The following PAK5 variants were observed in gnomAD, a reference collection of about 807,000 sequenced individuals.
PAK5 encodes serine/threonine-protein kinase PAK 5.
A neutral mutation model predicts 65.9 loss-of-function variants in PAK5; 16 were observed. The ratio of observed to expected loss-of-function variants is 0.24; its 90% CI spans 0.16 to 0.37. The LOEUF (loss-of-function observed/expected upper bound fraction) is 0.37, where lower values mean the gene tolerates loss of function less well. Ranked by LOEUF, PAK5 falls within the 10% of genes least tolerant of loss-of-function variation. The pLI, the probability that PAK5 is intolerant of heterozygous loss-of-function variation, is 1.00. For synonymous variants in PAK5, 371 were observed against 354.9 expected (o/e 1.05, Z -0.51); for missense variants, 785 against 903.9 (o/e 0.87, Z 1.69).
At position 9,696,713 on chromosome 20, in the gene PAK5, T is replaced by C. The variant is rs1470735572; in HGVS notation, c.-12+14573A>G. Among the ~76,000 whole-genome samples, 3 of 152,192 alleles carry C rather than the reference T, an allele frequency of 2.0e-5. No homozygotes were observed. In the East Asian group the frequency reaches 5.8e-4, roughly 29 times the overall value. ...AAATTGTATTATGGAGAAAAGCAAATAACCACTTTCATCTTATTAGCTCTG... is the reference window on the plus strand; with the variant it reads ...AAATTGTATTATGGAGAAAAGCAAACAACCACTTTCATCTTATTAGCTCTG... On this transcript the variant is annotated intron_variant, in intron 2 of 9. Coordinates refer to ENST00000353224, the MANE Select transcript of PAK5 (RefSeq NM_177990.4).
intron 1 of PAK5, among the ~76,000 whole-genome samples, chr20:9,822,590 C>A (rs6056905): frequency 6.6e-6 from 1 of 152,206 alleles, no homozygotes; most frequent in East Asian, 1.9e-4. Flanking sequence ...ATTGCCCAAT[C>A]AATAGCTCAC....
At chr20:9,685,824 T>C (rs971859902) in intron 2 of PAK5, among the ~76,000 whole-genome samples, 6 of 152,204 alleles carry the variant, frequency 3.9e-5, no homozygotes, top group Non-Finnish European at 5.9e-5. Flanking sequence ...TGCTAGTACT[T>C]ATCTACTGAA....
intron 7 of PAK5, among the ~76,000 whole-genome samples, chr20:9,548,236 A>G (rs1374984429): frequency 6.6e-6 from 1 of 152,142 alleles, no homozygotes; most frequent in Non-Finnish European, 1.5e-5. Context: ...AGAGGTGGTT[A>G]TCTTATGGTC....
intron 3 of PAK5, 42 bp downstream of exon 3, chr20:9,644,083 C>G (rs374160679): frequency 6.8e-7 from 1 of 1,470,556 alleles, no homozygotes; most frequent in Non-Finnish European, 9.5e-7. Context: ...TAAATAAGAG[C>G]ATGATTCTTA....
chr20:9,800,687 C>A (rs930909542), intron 1 of PAK5, among the ~76,000 whole-genome samples: 2 of 151,992 alleles, frequency 1.3e-5, no homozygotes, highest in Non-Finnish European at 2.9e-5. Flanking sequence ...GCCTAACAAC[C>A]TTTGTTACCT....
In PAK5 at chr20:9,825,300, T is replaced by G. The variant is rs527271990; in HGVS notation, c.-162+13462A>C. Among the ~76,000 whole-genome samples the G allele has an allele frequency of 4.6e-5, 7 of 152,350 alleles. No homozygotes were observed. In the South Asian group the frequency reaches 1.4e-3, roughly 32 times the overall value. On this transcript the variant is annotated intron_variant, in intron 1 of 9. Coordinates refer to ENST00000353224, the MANE Select transcript of PAK5 (RefSeq NM_177990.4). ...CTAGGGACAACTCTGGAATTTTCTA[T>G]CTCACTTGTTTTTTATTATTTTTTA...
chr20:9,647,662 C>T (rs557711996), intron 2 of PAK5, among the ~76,000 whole-genome samples: 216 of 152,312 alleles, frequency 1.4e-3, no homozygotes, highest in South Asian at 8.3e-4. Context: ...AATTAATCTA[C>T]CTACACTGCA....
intron 1 of PAK5, among the ~76,000 whole-genome samples, chr20:9,825,416 T>C (rs1177413398): frequency 6.6e-6 from 1 of 152,194 alleles, no homozygotes; most frequent in East Asian, 1.9e-4. Context: ...AGAATGCATA[T>C]CATTTATAAG....
chr20:9,734,011 T>C (rs2048361992), intron 1 of PAK5, among the ~76,000 whole-genome samples: 1 of 152,224 alleles, frequency 6.6e-6, no homozygotes, highest in Non-Finnish European at 1.5e-5. Flanking sequence ...ATGAGGATGC[T>C]CTCCTTTTAA....
At chr20:9,788,527 G>A (rs2049016720) in intron 1 of PAK5, among the ~76,000 whole-genome samples, 1 of 152,066 alleles carries the variant, frequency 6.6e-6, no homozygotes, top group Non-Finnish European at 1.5e-5. Context: ...AGAACTGGAA[G>A]GTAAAATCTC....
intron 3 of PAK5, among the ~76,000 whole-genome samples, chr20:9,583,049 G>A (rs1336905626): frequency 2.6e-5 from 4 of 152,050 alleles, no homozygotes; most frequent in Admixed American, 1.3e-4. Flanking sequence ...TCCAAGGAAC[G>A]CTAATAGTAT....
In PAK5 at chr20:9,789,072, A is replaced by G. The variant is rs182496290; in HGVS notation, c.-162+49690T>C. Among the ~76,000 whole-genome samples the G allele has an allele frequency of 4.1e-4, 63 of 152,306 alleles. 1 individual carries two copies. Among genetic ancestry groups the G allele is most frequent in the Admixed American group, 9.2e-4 (14 of 15,280 alleles). ...TGAAGAGGGTTCCTAGCTGAGCTCTATGGGAAGTTCTCAGTATGCCATTTG... is the reference window on the plus strand; with the variant it reads ...TGAAGAGGGTTCCTAGCTGAGCTCTGTGGGAAGTTCTCAGTATGCCATTTG... On this transcript the variant is annotated intron_variant, in intron 1 of 9. Transcript: ENST00000353224.
intron 1 of PAK5, among the ~76,000 whole-genome samples, chr20:9,750,805 A>T (rs1004635213): frequency 1.3e-5 from 2 of 152,124 alleles, no homozygotes; most frequent in Non-Finnish European, 2.9e-5. Context: ...ATGAGTACTG[A>T]TGATAGTTCC....
intron 2 of PAK5, among the ~76,000 whole-genome samples, chr20:9,710,511 T>C (rs1368939106): frequency 6.6e-6 from 1 of 152,144 alleles, no homozygotes; most frequent in East Asian, 1.9e-4. Context: ...TGGGTGGTCA[T>C]CTATGCCAAA....
At chr20:9,747,804 C>T (rs1479681927) in intron 1 of PAK5, among the ~76,000 whole-genome samples, 2 of 150,530 alleles carry the variant, frequency 1.3e-5, no homozygotes, top group African/African-American at 4.9e-5. Flanking sequence ...CTCACCACTC[C>T]TATTCAACAT....
intron 3 of PAK5, among the ~76,000 whole-genome samples, chr20:9,625,047 A>ATTACTACC (rs1164020262): frequency 6.6e-6 from 1 of 152,114 alleles, no homozygotes; most frequent in African/African-American, 2.4e-5. Context: ...AAAAAGTATT[A>ATTACTACC]TTACTACCAC....
At chr20:9,748,672 C>T (rs2048537336) in intron 1 of PAK5, among the ~76,000 whole-genome samples, 1 of 152,084 alleles carries the variant, frequency 6.6e-6, no homozygotes, top group Non-Finnish European at 1.5e-5. Flanking sequence ...TGAATATTGG[C>T]ATATTTGGAC....
At chr20:9,801,298 C>G (rs1196498553) in intron 1 of PAK5, among the ~76,000 whole-genome samples, 1 of 151,948 alleles carries the variant, frequency 6.6e-6, no homozygotes, top group Non-Finnish European at 1.5e-5. Flanking sequence ...ATAGCACACA[C>G]AGCTAATTCC....
intron 1 of PAK5, among the ~76,000 whole-genome samples, chr20:9,771,720 C>G (rs939355302): frequency 1.3e-5 from 2 of 151,822 alleles, no homozygotes; most frequent in Non-Finnish European, 2.9e-5. Flanking sequence ...CACACTTGGC[C>G]TAATGAATTC....
Sources: allele counts gnomAD v4.1 joint callset (sites outside exome capture counted in the v4.1 genomes callset), GRCh38; gene constraint gnomAD v4.1.1; transcripts MANE v1.5; gene names NCBI Gene and HGNC (gene_info 2026-07-23, HGNC 2026-07-21).